The following KYAT1 variants were observed in gnomAD, a reference collection of about 807,000 sequenced individuals.
KYAT1 encodes the protein kynurenine--oxoglutarate transaminase 1.
In KYAT1, 47 loss-of-function variants were observed where a neutral mutation model predicts 52.4. The observed-to-expected ratio is 0.90, with a 90% CI of 0.71 to 1.14. The LOEUF is 1.14. KYAT1 is among the 50% of genes most tolerant of loss of function. The pLI is 0.00. For synonymous variants in KYAT1, 212 were observed against 209.6 expected, an observed-to-expected ratio of 1.01 and a Z score of -0.10; for missense variants, 480 against 557.9, an observed-to-expected ratio of 0.86 and a Z score of 1.41.
At chr9:128,864,138 G>A (rs1393455295) in intron 1 of KYAT1, among the ~76,000 whole-genome samples, 1 of 151,988 alleles carries the variant, frequency 6.6e-6, no homozygotes, top group Non-Finnish European at 1.5e-5. Context: ...CGAGGCAGGT[G>A]GATCACAATG....
intron 1 of KYAT1, among the ~76,000 whole-genome samples, chr9:128,873,628 AGCTGGGTGTAGTG>A (rs1249451767): frequency 6.6e-6 from 1 of 151,964 alleles, no homozygotes; most frequent in Non-Finnish European, 1.5e-5. Context: ...AAAAAAAATT[AGCTGGGTGTAGTG>A]GCAGGTGCCT....
chr9:128,881,525 T>C (rs1838901649), intron 1 of KYAT1, among the ~76,000 whole-genome samples: 1 of 152,168 alleles, frequency 6.6e-6, no homozygotes, highest in South Asian at 2.1e-4. Flanking sequence ...TTGCCGGTAC[T>C]GTTATCAGCC....
intron 3 of KYAT1, among the ~76,000 whole-genome samples, chr9:128,841,588 C>T (rs1008049044): frequency 1.2e-4 from 18 of 148,090 alleles, no homozygotes; most frequent in African/African-American, 4.5e-4. Context: ...CCCAGCTACT[C>T]GGGAGGCTGA....
In KYAT1 at chr9:128,837,676, C is replaced by T. The variant is rs1831363156; in HGVS notation, c.567+9G>A. On this transcript the variant is annotated intron_variant, in intron 6 of 12. Coordinates refer to ENST00000302586, the MANE Select transcript of KYAT1 (RefSeq NM_004059.5). ...CGCAGGGGGCCAGGGAAGGAGGTCC[C>T]TCCAGTACCTTGCCCAGGGGGTTGT... 2 of 1,613,976 alleles carry T rather than the reference C, an allele frequency of 1.2e-6. No individual in the cohort carries two copies. The highest frequency in any genetic ancestry group is 2.2e-5 in the South Asian group (2 of 91,074).
At chr9:128,855,641 G>A (rs1234410636) in intron 1 of KYAT1, among the ~76,000 whole-genome samples, 1 of 152,200 alleles carries the variant, frequency 6.6e-6, no homozygotes, top group African/African-American at 2.4e-5. Flanking sequence ...TACTTGCATT[G>A]ATTCAACTTT....
intron 1 of KYAT1, among the ~76,000 whole-genome samples, chr9:128,849,485 A>C (rs1354832215): frequency 6.6e-6 from 1 of 151,310 alleles, no homozygotes; most frequent in Non-Finnish European, 1.5e-5. Context: ...GAGACAACTA[A>C]ATATCCACAT....
At chr9:128,843,819 C>T (rs549581287) in intron 2 of KYAT1, among the ~76,000 whole-genome samples, 87 of 152,312 alleles carry the variant, frequency 5.7e-4, no homozygotes, top group African/African-American at 2.0e-3. Context: ...AGTTGAGACC[C>T]CCTGTACAGA....
intron 1 of KYAT1, among the ~76,000 whole-genome samples, chr9:128,856,047 C>T (rs894921731): frequency 6.6e-6 from 1 of 152,280 alleles, no homozygotes; most frequent in Admixed American, 6.5e-5. Context: ...TTTTCAGTTA[C>T]AGTGTGACTG....
In KYAT1 at chr9:128,835,531, G is replaced by C. The variant is rs1219061243; in HGVS notation, c.992C>G (p.Pro331Arg). 1.2e-6 allele frequency: 2 copies of C among 1,613,646 alleles called. No homozygotes were observed. Among genetic ancestry groups the C allele is most frequent in the Non-Finnish European group, 1.7e-6 (2 of 1,180,032 alleles). The change falls in exon 10 of 13, where the codon CCC becomes CGC. Residue 331 changes from proline to arginine, a missense_variant. Pro to Arg is a moderately radical substitution (Grantham distance 103). Coordinates refer to ENST00000302586, the MANE Select transcript of KYAT1 (RefSeq NM_004059.5). ...IRSLQSVGLK[P>R]IIPQGSYFLI... ...GAAGTAGCTGCCCTGAGGGATGATG[G>C]GCTTCAGGCCCACTGACTGTAGGCT...
intron 1 of KYAT1, among the ~76,000 whole-genome samples, chr9:128,864,365 CAAA>C (rs35129459): frequency 5.3e-5 from 4 of 75,180 alleles, no homozygotes; most frequent in Admixed American, 1.7e-4. Flanking sequence ...GACTCTGTCT[CAAA>C]AAAAAAAAAA....
At chr9:128,865,359 A>ATATTTTTTTTTTTTTTTT (rs1836206985) in intron 1 of KYAT1, among the ~76,000 whole-genome samples, 1 of 27,310 alleles carries the variant, frequency 3.7e-5, no homozygotes, top group Non-Finnish European at 5.3e-5. Flanking sequence ...ATATATATAT[A>ATATTTTTTTTTTTTTTTT]TTTTTTTTTT....
At chr9:128,846,600 CA>C (rs57333664) in intron 1 of KYAT1, 48,906 of 414,548 alleles carry the variant, frequency 0.12, 33 homozygotes, top group East Asian at 0.13. Flanking sequence ...AAGACTCTAC[CA>C]AAAAAAAAAA....
chr9:128,861,599 G>A (rs771170723), intron 1 of KYAT1, among the ~76,000 whole-genome samples: 3 of 152,186 alleles, frequency 2.0e-5, no homozygotes, highest in Admixed American at 6.5e-5. Context: ...ATTTGAGAGC[G>A]GTTCCCAGGA....
intron 3 of KYAT1, among the ~76,000 whole-genome samples, chr9:128,842,434 G>A (rs1368402017): frequency 1.3e-5 from 2 of 152,122 alleles, no homozygotes; most frequent in Non-Finnish European, 2.9e-5. Flanking sequence ...ATCACATCAT[G>A]TATCAACTGC....
chr9:128,834,345 C>CA (rs1160278991), intron 11 of KYAT1, among the ~76,000 whole-genome samples: 1 of 152,128 alleles, frequency 6.6e-6, no homozygotes, highest in Non-Finnish European at 1.5e-5. Context: ...GGGAGGCTGA[C>CA]AGAGGGAGGA....
chr9:128,835,635 C>T lies in KYAT1; in HGVS notation c.888G>A (p.Gln296=). 1.2e-6 allele frequency: 2 copies of T among 1,611,282 alleles called. No individual in the cohort carries two copies. Among genetic ancestry groups the T allele is most frequent in the South Asian group, 2.2e-5 (2 of 91,068 alleles). ...AAVAESFERE[Q]LLFRQPSSYF... is the part of the protein sequence containing the mutation. The stretch of plus-strand genomic sequence containing the variant: ...AGCTGCTGGGTTGGCGGAAGAGCAG[C>T]TGCTCCCGTTCAAAGCTCTCGGCTA... The change falls in exon 10 of 13, where the codon CAG becomes CAA. Residue 296 remains glutamine (Q), a synonymous_variant. Transcript: ENST00000302586.
At chr9:128,881,414 C>T (rs1262125019) in intron 1 of KYAT1, among the ~76,000 whole-genome samples, 2 of 152,130 alleles carry the variant, frequency 1.3e-5, no homozygotes, top group Non-Finnish European at 2.9e-5. Flanking sequence ...CCTTTTTTAA[C>T]CTAAGGTATC....
At position 128,876,877 on chromosome 9, in the gene KYAT1, C is replaced by T. The variant is rs145641653; in HGVS notation, c.-7+5020G>A. Among the ~76,000 whole-genome samples, 1,033 of 151,732 alleles carry T rather than the reference C, an allele frequency of 6.8e-3. 7 individuals carry two copies. The highest frequency in any genetic ancestry group is 0.048 in the Middle Eastern group (14 of 294). Reference sequence around the variant, plus strand: ...AAGTAGCCGGGATTACAGGTGCACGCCACCACGCCCAGCTAATTTATTTTT... The same window carrying T: ...AAGTAGCCGGGATTACAGGTGCACGTCACCACGCCCAGCTAATTTATTTTT... On this transcript the variant is annotated intron_variant, in intron 1 of 12. Transcript: ENST00000302586.
intron 1 of KYAT1, among the ~76,000 whole-genome samples, chr9:128,856,568 T>C (rs566500198): frequency 1.3e-5 from 2 of 152,334 alleles, no homozygotes; most frequent in East Asian, 3.9e-4. Flanking sequence ...TGTTGTTAAT[T>C]TGTAACTTTG....
Sources: gnomAD v4.1 joint callset for allele counts (sites outside exome capture counted in the v4.1 genomes callset) on GRCh38, gnomAD v4.1.1 for gene constraint, MANE v1.5 for transcripts, NCBI Gene and HGNC (gene_info 2026-07-23, HGNC 2026-07-21) for gene names.